XKR4: variants seen among roughly 807,000 people sequenced by gnomAD.
XKR4 encodes XK-related protein 4.
In XKR4, 12 loss-of-function variants were observed where a neutral mutation model predicts 53.9. That is an observed-to-expected ratio of 0.22 (90% CI 0.14 to 0.36). The LOEUF (loss-of-function observed/expected upper bound fraction) is 0.36. XKR4 is among the 10% of genes least tolerant of loss of function. The pLI, the probability that XKR4 is intolerant of heterozygous loss-of-function variation, is 1.00. For synonymous variants in XKR4, 354 were observed against 362.4 expected (o/e 0.98, Z 0.26); for missense variants, 799 against 859.5 (o/e 0.93, Z 0.88).
chr8:55,225,201 T>G (rs1817936962), intron 1 of XKR4, among the ~76,000 whole-genome samples: 1 of 152,238 alleles, frequency 6.6e-6, no homozygotes, highest in Non-Finnish European at 1.5e-5. Context: ...ACTCTTTTAC[T>G]GCTTCATGTG....
At position 55,103,094 on chromosome 8, in the gene XKR4, C is replaced by A; in HGVS notation, c.606C>A (p.Ala202=). 2.5e-6 allele frequency: 4 copies of A among 1,613,056 alleles called. No individual in the cohort carries two copies. The highest frequency in any genetic ancestry group is 2.2e-5 in the South Asian group (2 of 91,034). ...CKTVVGGGSA[A]GEGEARPSTP... ...CGGTGGTCGGCGGTGGGTCTGCAGC[C>A]GGGGAAGGCGAGGCTCGTCCTTCCA... Residue 202 remains alanine, a synonymous_variant, in exon 1 of 3, where the codon GCC becomes GCA. Transcript: ENST00000327381.
At chr8:55,315,685 A>T (rs1484329743) in intron 1 of XKR4, among the ~76,000 whole-genome samples, 2 of 152,154 alleles carry the variant, frequency 1.3e-5, no homozygotes, top group African/African-American at 4.8e-5. Flanking sequence ...AATGGAAAGA[A>T]CTTTTTATGC....
At chr8:55,112,592 G>GTTTTTTTTTTTTT (rs1563459297) in intron 1 of XKR4, among the ~76,000 whole-genome samples, 1 of 114,094 alleles carries the variant, frequency 8.8e-6, no homozygotes, top group Non-Finnish European at 1.7e-5. Flanking sequence ...TTTTTTTAGG[G>GTTTTTTTTTTTTT]AGCAGAGAGT....
At chr8:55,357,167 A>G (rs190666108) in intron 1 of XKR4, among the ~76,000 whole-genome samples, 40 of 152,306 alleles carry the variant, frequency 2.6e-4, no homozygotes, top group African/African-American at 9.6e-4. Context: ...CACTGAGTGA[A>G]AGGGTATAGT....
intron 1 of XKR4, among the ~76,000 whole-genome samples, chr8:55,333,403 A>G (rs1803407717): frequency 6.6e-6 from 1 of 152,122 alleles, no homozygotes; most frequent in Non-Finnish European, 1.5e-5. Flanking sequence ...GCTCAAACTG[A>G]AGACTTAAAG....
In XKR4 at chr8:55,102,726, T is replaced by G; in HGVS notation, c.238T>G (p.Ser80Ala). 1.7e-6 allele frequency: 2 copies of G among 1,167,426 alleles called. No individual in the cohort carries two copies. Among genetic ancestry groups the G allele is most frequent in the South Asian group, 4.2e-5 (1 of 23,728 alleles). The allele number at this position is 1,167,426 out of a possible 1,614,324, so 72.3% of individuals were successfully genotyped here. The change falls in exon 1 of 3, where the codon TCC (serine) becomes GCC (alanine). Residue 80 changes from serine (S) to alanine (A), a missense_variant. This residue lies in a region of XKR4 where 476 missense variants were observed against 505.4 expected (regional missense o/e 0.94). Coordinates refer to ENST00000327381, the MANE Select transcript of XKR4 (RefSeq NM_052898.2). The surrounding 1 kb of genome is among the most constrained non-coding windows in gnomAD (Gnocchi z 5.1). ...GSGGSAGSGG[S>A]GGVAGPGGGG... The stretch of plus-strand genomic sequence containing the variant: ...TGGCGGCTCCGCGGGCTCGGGCGGC[T>G]CCGGCGGCGTCGCCGGCCCGGGCGG...
intron 1 of XKR4, among the ~76,000 whole-genome samples, chr8:55,177,953 C>T (rs968122463): frequency 6.6e-6 from 1 of 152,190 alleles, no homozygotes; most frequent in Admixed American, 6.5e-5. Context: ...CCAGCCTTGA[C>T]TCACTTAAGG....
chr8:55,187,742 T>C (rs993161364), intron 1 of XKR4, among the ~76,000 whole-genome samples: 2 of 152,330 alleles, frequency 1.3e-5, no homozygotes, highest in Non-Finnish European at 2.9e-5. Flanking sequence ...GCTGCACATA[T>C]AGAGAATAAG....
intron 2 of XKR4, among the ~76,000 whole-genome samples, chr8:55,435,700 G>GC (rs11450288): frequency 1 from 152,067 of 152,074 alleles, 76,030 homozygotes; most frequent in Non-Finnish European, 1. Context: ...CTCCTGAATA[G>GC]TGGGACCCCA....
chr8:55,325,319 G>A (rs1165391694), intron 1 of XKR4, among the ~76,000 whole-genome samples: 2 of 152,024 alleles, frequency 1.3e-5, no homozygotes, highest in African/African-American at 2.4e-5. Flanking sequence ...TTAATGGATT[G>A]GGCTTAATTA....
chr8:55,228,321 A>G (rs55907808), intron 1 of XKR4, among the ~76,000 whole-genome samples: 3,175 of 150,260 alleles, frequency 0.021, 118 homozygotes, highest in African/African-American at 0.071. Flanking sequence ...GCAGTCCTTA[A>G]GTACGATTTG....
chr8:55,164,201 C>T, intron 1 of XKR4: 1 of 456,688 alleles, frequency 2.2e-6, no homozygotes, highest in Non-Finnish European at 4.4e-6. Flanking sequence ...CGTCCGCCGC[C>T]TCCCCACAGC....
At chr8:55,209,149 C>T (rs1048881792) in intron 1 of XKR4, among the ~76,000 whole-genome samples, 1 of 152,082 alleles carries the variant, frequency 6.6e-6, no homozygotes, top group African/African-American at 2.4e-5. Context: ...CAGCTCTGAC[C>T]TCACTCAATT....
chr8:55,189,984 A>G (rs1220973012), intron 1 of XKR4, among the ~76,000 whole-genome samples: 2 of 152,230 alleles, frequency 1.3e-5, no homozygotes, highest in African/African-American at 4.8e-5. Context: ...TCCTGAATTG[A>G]AATAAAAATT....
intron 1 of XKR4, among the ~76,000 whole-genome samples, chr8:55,265,446 C>T (rs1441090445): frequency 3.3e-5 from 5 of 152,182 alleles, no homozygotes; most frequent in Non-Finnish European, 7.3e-5. Context: ...AACTTGGTCC[C>T]TCAGCAGTGG....
chr8:55,280,350 GA>G (rs2129373749), intron 1 of XKR4, among the ~76,000 whole-genome samples: 1 of 152,232 alleles, frequency 6.6e-6, no homozygotes, highest in South Asian at 2.1e-4. Flanking sequence ...GTGCAAATGG[GA>G]AAACCCACTA....
intron 2 of XKR4, among the ~76,000 whole-genome samples, chr8:55,364,838 G>A (rs1374069610): frequency 6.6e-6 from 1 of 152,038 alleles, no homozygotes; most frequent in African/African-American, 2.4e-5. Flanking sequence ...CTCCATGTTG[G>A]CCAGGCTGGT....
chr8:55,389,474 G>A (rs953685146), intron 2 of XKR4, among the ~76,000 whole-genome samples: 1 of 152,084 alleles, frequency 6.6e-6, no homozygotes, highest in Non-Finnish European at 1.5e-5. Context: ...ACTACATACT[G>A]GCTAATGGAT....
intron 2 of XKR4, among the ~76,000 whole-genome samples, chr8:55,480,204 C>G (rs1018321970): frequency 6.6e-6 from 1 of 152,164 alleles, no homozygotes; most frequent in African/African-American, 2.4e-5. Context: ...TTATCCACCA[C>G]AATCAAGTGG....
Sources: allele counts gnomAD v4.1 joint callset (sites outside exome capture counted in the v4.1 genomes callset), GRCh38; gene constraint gnomAD v4.1.1; regional missense constraint gnomAD v4.1.1; non-coding constraint Gnocchi (gnomAD v3.1); transcripts MANE v1.5; gene names NCBI Gene and HGNC (gene_info 2026-07-23, HGNC 2026-07-21).